Variants in AHRR observed in about 807,000 individuals in gnomAD.
The protein encoded by AHRR is ahR repressor.
AHRR carries 28 observed loss-of-function variants against 44.0 expected under a neutral mutation model. The observed-to-expected ratio is 0.64, with a 90% CI of 0.47 to 0.87. AHRR has a LOEUF of 0.87. Ranked by LOEUF, AHRR falls within the 40% of genes least tolerant of loss-of-function variation. The pLI is 0.00. For missense variants in AHRR, 990 were observed against 953.9 expected, an observed-to-expected ratio of 1.04 and a Z score of -0.50; for synonymous variants, 434 against 407.0, an observed-to-expected ratio of 1.07 and a Z score of -0.80.
rs779506317 is a variant in AHRR at position 427,644 on chromosome 5, G to GGTCACAGGCTTGGCAGCTGCGGCTCTGCT, written c.709-159_709-131dup. On this transcript the variant is annotated intron_variant, in intron 7 of 10. Transcript: ENST00000684583. The stretch of plus-strand genomic sequence containing the variant: ...CATCGAATCACTCTGCAGGCCCGGG[G>GGTCACAGGCTTGGCAGCTGCGGCTCTGCT]GTCACAGGCTTGGCAGCTGCGGCTC... 235 of 1,613,538 alleles carry GGTCACAGGCTTGGCAGCTGCGGCTCTGCT rather than the reference G, an allele frequency of 1.5e-4. 1 individual carries two copies. The African/African-American group carries it at 2.7e-3, about 18-fold the overall frequency.
chr5:432,640 CAG>C (rs1056243259), intron 9 of AHRR, 116 bp downstream of exon 9: 2 of 1,509,272 alleles, frequency 1.3e-6, no homozygotes, highest in African/African-American at 1.4e-5. Context: ...AGCCATTTTG[CAG>C]AGACTTGGTG....
intron 3 of AHRR, 48 bp from the exon 4 acceptor site, chr5:376,562 C>CGGGGTGAACGCGGGGAAACA: frequency 5.1e-6 from 1 of 195,702 alleles, no homozygotes; most frequent in Non-Finnish European, 9.1e-6. Context: ...AGAAGAGTGG[C>CGGGGTGAACGCGGGGAAACA]CAGGCCAAGG....
intron 8 of AHRR, 76 bp from the exon 9 acceptor site, chr5:432,387 C>T: frequency 7.1e-7 from 1 of 1,412,910 alleles, no homozygotes; most frequent in African/African-American, 1.4e-5. Flanking sequence ...TTAATTTCTA[C>T]CATCAAAACA....
At chr5:324,302 G>A (rs915200093) in intron 1 of AHRR, among the ~76,000 whole-genome samples, 5 of 151,436 alleles carry the variant, frequency 3.3e-5, no homozygotes, top group Admixed American at 6.6e-5. Flanking sequence ...AACTCCTGAC[G>A]TCATGCTCTC....
intron 3 of AHRR, chr5:367,891 G>A (rs950664577): frequency 4.3e-6 from 3 of 702,452 alleles, no homozygotes; most frequent in Non-Finnish European, 7.8e-6. Flanking sequence ...GAGGCCCCGA[G>A]CATTGGACAC....
intron 1 of AHRR, among the ~76,000 whole-genome samples, chr5:331,866 C>G (rs916383469): frequency 2.0e-5 from 3 of 152,250 alleles, no homozygotes; most frequent in Non-Finnish European, 1.5e-5. Context: ...CATCCCAAAA[C>G]CATCCCTACC....
chr5:367,423 C>T (rs566100715), intron 3 of AHRR, among the ~76,000 whole-genome samples: 7 of 152,362 alleles, frequency 4.6e-5, no homozygotes, highest in South Asian at 4.1e-4. Flanking sequence ...CCTTCCTCAC[C>T]GCCCATCATG....
At chr5:343,285 G>C (rs904464667) in intron 1 of AHRR, among the ~76,000 whole-genome samples, 1 of 136,702 alleles carries the variant, frequency 7.3e-6, no homozygotes, top group Non-Finnish European at 1.7e-5. Context: ...ATACCTTTTC[G>C]GGGTGACGTG....
chr5:420,810 C>CGCCCAG (rs1736053068), intron 5 of AHRR: 4 of 65,460 alleles, frequency 6.1e-5, no homozygotes, highest in African/African-American at 5.3e-4. Flanking sequence ...GCCACGCAGC[C>CGCCCAG]ACCCACCCAC....
At chr5:398,280 CCT>C (rs1734850266) in intron 4 of AHRR, among the ~76,000 whole-genome samples, 2 of 152,050 alleles carry the variant, frequency 1.3e-5, no homozygotes, top group Admixed American at 1.3e-4. Context: ...CCACGTAGCC[CCT>C]GACCATCCGT....
intron 4 of AHRR, among the ~76,000 whole-genome samples, chr5:380,966 G>A (rs143129367): frequency 4.9e-4 from 74 of 152,366 alleles, no homozygotes; most frequent in African/African-American, 1.7e-3. Flanking sequence ...CAAGGCCAAA[G>A]GCCTGAGAGC....
intron 1 of AHRR, among the ~76,000 whole-genome samples, chr5:330,159 A>G (rs1579584314): frequency 6.6e-6 from 1 of 152,120 alleles, no homozygotes; most frequent in Middle Eastern, 3.4e-3. Flanking sequence ...TAGTTTTTTG[A>G]GGATTTTTAT....
intron 4 of AHRR, among the ~76,000 whole-genome samples, chr5:389,114 G>A (rs1053750046): frequency 2.0e-5 from 3 of 149,640 alleles, no homozygotes; most frequent in South Asian, 2.2e-4. Flanking sequence ...GGGACCAGCC[G>A]CCCCATGAGC....
rs935996329 is a variant in AHRR, at chr5:434,903, T to C, written c.*69T>C. The C allele has an allele frequency of 4.0e-6, 6 of 1,486,410 alleles. No individual in the cohort carries two copies. The highest frequency in any genetic ancestry group is 2.8e-5 in the African/African-American group (2 of 72,136). The allele number at this position is 1,486,410 out of a possible 1,614,324, so 92.1% of individuals were successfully genotyped here. A position where few individuals can be genotyped will look rare whatever the true frequency, so the allele number is the denominator to read the frequency against. Reference sequence around the variant, plus strand: ...AGATGCGTCGGTGGCTGGGCTGCCCTGCTCCTGGTCAGGCCGGAGCCCGTC... The same window carrying C: ...AGATGCGTCGGTGGCTGGGCTGCCCCGCTCCTGGTCAGGCCGGAGCCCGTC... On this transcript the variant is annotated 3_prime_UTR_variant, in exon 11 of 11. Coordinates refer to ENST00000684583, the MANE Select transcript of AHRR (RefSeq NM_001377236.1).
rs1389315491 is a variant in AHRR, at chr5:404,585, T to A, written c.352-8759T>A. ...AGGCGATTGGTACTAAAATGGTAAT[T>A]TTTATGTTATGACGGTTTGGAAAAA... On this transcript the variant is annotated intron_variant, in intron 4 of 10. Coordinates refer to ENST00000684583, the MANE Select transcript of AHRR (RefSeq NM_001377236.1). The surrounding 1 kb of genome is among the most constrained non-coding windows in gnomAD (Gnocchi z 4.1). 1.7e-5 allele frequency: 4 copies of A among 237,964 alleles called. No individual in the cohort carries two copies. The Admixed American group carries it at 1.9e-4, about 12-fold the overall frequency. The allele number at this position is 237,964 out of a possible 1,614,324, so 14.7% of individuals were successfully genotyped here. A position where few individuals can be genotyped will look rare whatever the true frequency, so the allele number is the denominator to read the frequency against.
chr5:353,578 A>T lies in AHRR; in HGVS notation c.63-152A>T, dbSNP rs966415622. 9.0e-6 allele frequency: 6 copies of T among 665,200 alleles called. No homozygotes were observed. In the African/African-American group the frequency reaches 1.1e-4, roughly 12 times the overall value. 41.2% of individuals were successfully genotyped at this position (665,200 alleles called of 1,614,324 possible). On this transcript the variant is annotated intron_variant, in intron 2 of 10. Transcript: ENST00000684583. ...TGTGGTTTTTAGTGTCTATGTCTTG[A>T]GGCATGGGTGAGCTTTAGTCCTCTT...
At chr5:350,588 A>C (rs978799164) in intron 2 of AHRR, among the ~76,000 whole-genome samples, 3 of 152,050 alleles carry the variant, frequency 2.0e-5, no homozygotes, top group Non-Finnish European at 4.4e-5. Context: ...GGCCTCTCCC[A>C]GCTGCTGTCT....
At chr5:421,111 G>C in intron 5 of AHRR, 1 of 550,502 alleles carries the variant, frequency 1.8e-6, no homozygotes, top group Non-Finnish European at 3.2e-6. Context: ...AAGGTGCAGC[G>C]GCTGGAGCGT....
chr5:424,009 C>G, intron 7 of AHRR, 32 bp downstream of exon 7: 1 of 1,583,278 alleles, frequency 6.3e-7, no homozygotes, highest in South Asian at 1.1e-5. Context: ...AGGGGGCTCC[C>G]GACATCTGGG....
Sources: gnomAD v4.1 joint callset for allele counts (sites outside exome capture counted in the v4.1 genomes callset) on GRCh38, gnomAD v4.1.1 for gene constraint, Gnocchi (gnomAD v3.1) non-coding constraint, MANE v1.5 for transcripts, NCBI Gene and HGNC (gene_info 2026-07-23, HGNC 2026-07-21) for gene names.